PDE4D: variants seen among roughly 807,000 people sequenced by gnomAD.
PDE4D encodes the protein 3',5'-cyclic-AMP phosphodiesterase 4D.
A neutral mutation model predicts 87.4 loss-of-function variants in PDE4D; 24 were observed. The observed-to-expected ratio is 0.27, with a 90% CI of 0.20 to 0.39. PDE4D has a LOEUF of 0.39. Among genes scored for constraint, PDE4D ranks in the 10% least tolerant of loss-of-function variants. The pLI is 1.00. For synonymous variants in PDE4D, 384 were observed against 383.2 expected, an observed-to-expected ratio of 1.00 and a Z score of -0.02; for missense variants, 714 against 1,041.0, an observed-to-expected ratio of 0.69 and a Z score of 4.32.
At chr5:60,504,484 T>G (rs999213079) in intron 1 of PDE4D, among the ~76,000 whole-genome samples, 17 of 152,158 alleles carry the variant, frequency 1.1e-4, no homozygotes, top group African/African-American at 4.1e-4. Context: ...CCCTCTCCAG[T>G]GCACTGTATT....
chr5:59,814,730 G>T (rs1037373505), intron 1 of PDE4D, among the ~76,000 whole-genome samples: 3 of 152,160 alleles, frequency 2.0e-5, no homozygotes, highest in African/African-American at 7.2e-5. Flanking sequence ...GCTCTCTGCT[G>T]GGGACCAGCT....
rs946708107 is a variant in PDE4D, at chr5:58,973,235, G to A, written c.*1429C>T. 29 of 152,176 alleles carry A rather than the reference G, an allele frequency of 1.9e-4. No homozygotes were observed. Among genetic ancestry groups the A allele is most frequent in the African/African-American group, 5.3e-4 (22 of 41,430 alleles). 9.4% of individuals were successfully genotyped at this position (152,176 alleles called of 1,614,324 possible). ...CTCTGTAAACCAAGAGTAAAAGCTAGTCATGATATACAACCTCGTGGTTGA... is the reference window on the plus strand; with the variant it reads ...CTCTGTAAACCAAGAGTAAAAGCTAATCATGATATACAACCTCGTGGTTGA... On this transcript the variant is annotated 3_prime_UTR_variant, in exon 15 of 15. Transcript: ENST00000340635.
intron 5 of PDE4D, among the ~76,000 whole-genome samples, chr5:59,087,436 T>A (rs541760465): frequency 3.3e-5 from 5 of 152,064 alleles, no homozygotes; most frequent in African/African-American, 1.2e-4. Flanking sequence ...CAATGAGCCA[T>A]GATTGCCACT....
chr5:60,092,114 C>T (rs1389583357), intron 2 of PDE4D, among the ~76,000 whole-genome samples: 1 of 138,098 alleles, frequency 7.2e-6, no homozygotes, highest in Non-Finnish European at 1.6e-5. Flanking sequence ...TAGTATTATT[C>T]AGCCATAAAA....
At chr5:59,678,550 C>G (rs537948627) in intron 1 of PDE4D, among the ~76,000 whole-genome samples, 1 of 152,256 alleles carries the variant, frequency 6.6e-6, no homozygotes, top group South Asian at 2.1e-4. Context: ...ACTGCAACCT[C>G]TACCTCTGGG....
At chr5:60,212,211 T>C (rs974263406) in intron 1 of PDE4D, among the ~76,000 whole-genome samples, 1 of 152,192 alleles carries the variant, frequency 6.6e-6, no homozygotes, top group African/African-American at 2.4e-5. Context: ...ATTATTCTTA[T>C]GTGGAACTGT....
intron 1 of PDE4D, among the ~76,000 whole-genome samples, chr5:59,612,912 G>A (rs1829185544): frequency 6.6e-6 from 1 of 152,174 alleles, no homozygotes; most frequent in Non-Finnish European, 1.5e-5. Flanking sequence ...AGCTGAATCT[G>A]AGAGGCCACA....
At chr5:60,228,689 G>C (rs1745431641) in intron 1 of PDE4D, among the ~76,000 whole-genome samples, 1 of 151,924 alleles carries the variant, frequency 6.6e-6, no homozygotes, top group Non-Finnish European at 1.5e-5. Flanking sequence ...GGTACCCTGA[G>C]CTGCTGTGTA....
intron 1 of PDE4D, among the ~76,000 whole-genome samples, chr5:59,856,558 T>C (rs564587176): frequency 1.3e-5 from 2 of 152,296 alleles, no homozygotes; most frequent in South Asian, 2.1e-4. Context: ...AATTTTGTAA[T>C]TGCCTTACTC....
At chr5:59,105,483 T>C (rs749959723) in intron 5 of PDE4D, among the ~76,000 whole-genome samples, 1 of 152,172 alleles carries the variant, frequency 6.6e-6, no homozygotes, top group Non-Finnish European at 1.5e-5. Flanking sequence ...AAGTCCTGAA[T>C]GGTAGCATTA....
At chr5:59,827,331 G>A (rs891625094) in intron 1 of PDE4D, among the ~76,000 whole-genome samples, 1 of 152,048 alleles carries the variant, frequency 6.6e-6, no homozygotes, top group Admixed American at 6.6e-5. Context: ...TGGAAAGCAA[G>A]AATGATTTCA....
chr5:59,853,849 T>C (rs1190226901), intron 1 of PDE4D, among the ~76,000 whole-genome samples: 7 of 152,048 alleles, frequency 4.6e-5, no homozygotes, highest in Non-Finnish European at 8.8e-5. Flanking sequence ...TTGGTTTCAA[T>C]TAAAAAATTC....
chr5:60,389,074 G>C (rs1474692476), intron 1 of PDE4D, among the ~76,000 whole-genome samples: 1 of 152,020 alleles, frequency 6.6e-6, no homozygotes, highest in Non-Finnish European at 1.5e-5. Flanking sequence ...TATAGATATA[G>C]AATATGATAT....
intron 1 of PDE4D, among the ~76,000 whole-genome samples, chr5:59,310,294 C>G (rs1772318599): frequency 6.6e-6 from 1 of 152,162 alleles, no homozygotes; most frequent in Non-Finnish European, 1.5e-5. Context: ...GCCACACTGT[C>G]TGTCTTGGGG....
chr5:59,836,467 T>C (rs1207277697), intron 1 of PDE4D, among the ~76,000 whole-genome samples: 1 of 152,012 alleles, frequency 6.6e-6, no homozygotes, highest in Non-Finnish European at 1.5e-5. Context: ...AATGTAAATA[T>C]GTCGATGGGG....
chr5:59,542,882 C>T (rs752685903), intron 1 of PDE4D, among the ~76,000 whole-genome samples: 48 of 152,056 alleles, frequency 3.2e-4, no homozygotes, highest in Non-Finnish European at 6.8e-4. Context: ...ATGAAATGTG[C>T]AAAACTCTTC....
chr5:58,969,971 ATCCTT>A lies in PDE4D; in HGVS notation c.*4688_*4692del, dbSNP rs1216986188. On this transcript the variant is annotated 3_prime_UTR_variant, in exon 15 of 15. Transcript: ENST00000340635. ...ATCAGTACTAACTTATGATGTCACT[ATCCTT>A]TCATTTCAACCACGTTCAGTATCCT... 3.3e-5 allele frequency: 5 copies of A among 152,300 alleles called. No homozygotes were observed. Among genetic ancestry groups the A allele is most frequent in the East Asian group, 1.9e-4 (1 of 5,186 alleles). The allele number at this position is 152,300 out of a possible 1,614,324, so 9.4% of individuals were successfully genotyped here.
intron 1 of PDE4D, among the ~76,000 whole-genome samples, chr5:59,474,321 C>CT (rs1258262643): frequency 6.6e-6 from 1 of 152,144 alleles, no homozygotes; most frequent in African/African-American, 2.4e-5. Context: ...CTCAAACCCT[C>CT]TTTTTCTGCT....
chr5:58,987,692 A>G (rs543159103), intron 11 of PDE4D, among the ~76,000 whole-genome samples: 1 of 152,314 alleles, frequency 6.6e-6, no homozygotes, highest in Non-Finnish European at 1.5e-5. Context: ...AACTTTGCAT[A>G]TTTTTTATAT....
Sources: allele counts gnomAD v4.1 joint callset (sites outside exome capture counted in the v4.1 genomes callset), GRCh38; gene constraint gnomAD v4.1.1; transcripts MANE v1.5; gene names NCBI Gene and HGNC (gene_info 2026-07-23, HGNC 2026-07-21).